Variants in LHFPL4 observed in about 807,000 individuals in gnomAD.
The protein encoded by LHFPL4 is LHFPL tetraspan subfamily member 4 protein.
In LHFPL4, 6 loss-of-function variants were observed where a neutral mutation model predicts 20.0. The ratio of observed to expected loss-of-function variants is 0.30; its 90% CI spans 0.16 to 0.59. The LOEUF (loss-of-function observed/expected upper bound fraction) is 0.59, where lower values mean the gene tolerates loss of function less well. LHFPL4 is among the 20% of genes least tolerant of loss of function. The pLI, the probability that LHFPL4 is intolerant of heterozygous loss-of-function variation, is 0.88. For synonymous variants in LHFPL4, 129 were observed against 143.8 expected, an observed-to-expected ratio of 0.90 and a Z score of 0.74; for missense variants, 215 against 331.2, an observed-to-expected ratio of 0.65 and a Z score of 2.72.
rs1464015204 is a variant in LHFPL4, at chr3:9,552,434, G to C, written c.246C>G (p.Thr82=). ...GRELTCRGSF[T]DFSTIPSSAF... is the part of the protein sequence containing the mutation. ...CGCTGGACGGGATGGTGCTGAAGTC[G>C]GTGAAGGAGCCCCGGCAGGTGAGCT... Residue 82 remains threonine (T), a synonymous_variant, in exon 2 of 4, where the codon ACC becomes ACG. Transcript: ENST00000287585. The C allele has an allele frequency of 5.0e-6, 8 of 1,613,456 alleles. No individual in the cohort carries two copies. The highest frequency in any genetic ancestry group is 6.8e-6 in the Non-Finnish European group (8 of 1,179,878).
chr3:9,510,436 CA>C (rs34617447), intron 2 of LHFPL4, among the ~76,000 whole-genome samples: 21,589 of 117,226 alleles, frequency 0.18, 2,568 homozygotes, highest in East Asian at 0.44. Flanking sequence ...GACATGGTTT[CA>C]AAAAAAAAAA....
chr3:9,523,077 G>GAAGAAAGAAATA (rs2046349970), intron 2 of LHFPL4, among the ~76,000 whole-genome samples: 1 of 114,034 alleles, frequency 8.8e-6, no homozygotes, highest in Admixed American at 1.0e-4. Context: ...GAAAGAAAAG[G>GAAGAAAGAAATA]AAGAAAGAAA....
intron 2 of LHFPL4, among the ~76,000 whole-genome samples, chr3:9,549,258 C>T (rs747930838): frequency 1.4e-4 from 21 of 152,270 alleles, no homozygotes; most frequent in Non-Finnish European, 2.5e-4. Context: ...GGGATGATGT[C>T]TTATGCATCT....
chr3:9,543,942 C>T (rs2046495330), intron 2 of LHFPL4, among the ~76,000 whole-genome samples: 1 of 151,914 alleles, frequency 6.6e-6, no homozygotes, highest in Admixed American at 6.6e-5. Flanking sequence ...AGGCTGGTCT[C>T]AAACTCCTGG....
chr3:9,521,208 T>C (rs1366291157), intron 2 of LHFPL4, among the ~76,000 whole-genome samples: 2 of 149,888 alleles, frequency 1.3e-5, no homozygotes, highest in Non-Finnish European at 2.9e-5. Flanking sequence ...GCCACTCTCA[T>C]TTCCTTTTCC....
At chr3:9,507,424 G>C (rs2046226346) in intron 2 of LHFPL4, among the ~76,000 whole-genome samples, 1 of 152,244 alleles carries the variant, frequency 6.6e-6, no homozygotes, top group African/African-American at 2.4e-5. Flanking sequence ...GTACAATGGG[G>C]ATAATGATGG....
Position 9,499,995 on chromosome 3 carries a change from C to G in LHFPL4, c.*2216G>C, listed in dbSNP as rs1297810492. The G allele has an allele frequency of 6.6e-6, 1 of 151,936 alleles. No individual in the cohort carries two copies. Among genetic ancestry groups the G allele is most frequent in the Non-Finnish European group, 1.5e-5 (1 of 68,374 alleles). The allele number at this position is 151,936 out of a possible 1,614,324, so 9.4% of individuals were successfully genotyped here. A position where few individuals can be genotyped will look rare whatever the true frequency, so the allele number is the denominator to read the frequency against. On this transcript the variant is annotated 3_prime_UTR_variant, in exon 4 of 4. Coordinates refer to ENST00000287585, the MANE Select transcript of LHFPL4 (RefSeq NM_198560.3). ...CCCCCACCCCAAGCTCTCGGGCAGC[C>G]TCTCAGCTGGTCTCTCATCTCTCTC...
chr3:9,523,385 AAAGAAAAAGAAAAAAAAAAAG>A (rs1216066457), intron 2 of LHFPL4, among the ~76,000 whole-genome samples: 3 of 71,534 alleles, frequency 4.2e-5, no homozygotes, highest in Admixed American at 3.9e-4. Context: ...CGTCTCAAAA[AAAGAAAAAGAAAAAAAAAAAG>A]AAAAAGAAAA....
rs755248125 is a variant in LHFPL4, at chr3:9,502,262, G to T, written c.693C>A (p.Val231=). 4 of 1,614,030 alleles carry T rather than the reference G, an allele frequency of 2.5e-6. No homozygotes were observed. In the South Asian group the frequency reaches 4.4e-5, roughly 18 times the overall value. ...VSSVLRPGGD[V]SGWGVLPCPV... ...GGCAGGGAAGGACTCCCCATCCAGAGACATCACCCCCGGGCCGCAACACGG... is the reference window on the plus strand; with the variant it reads ...GGCAGGGAAGGACTCCCCATCCAGATACATCACCCCCGGGCCGCAACACGG... The change falls in exon 4 of 4, where the codon GTC becomes GTA. Residue 231 remains valine, a synonymous_variant. Transcript: ENST00000287585.
chr3:9,546,240 G>C (rs527438085), intron 2 of LHFPL4, among the ~76,000 whole-genome samples: 1 of 151,184 alleles, frequency 6.6e-6, no homozygotes, highest in Non-Finnish European at 1.5e-5. Flanking sequence ...GCTTGAACCC[G>C]GGAGACAGAG....
At position 9,506,714 on chromosome 3, in the gene LHFPL4, G is replaced by C. The variant is rs188646209; in HGVS notation, c.407-511C>G. ...TCCTGCCTCAGCCTCCTGAGTAGCT[G>C]AGACTACAGGTGCCTCCCACCATGT... On this transcript the variant is annotated intron_variant, in intron 2 of 3. Coordinates refer to ENST00000287585, the MANE Select transcript of LHFPL4 (RefSeq NM_198560.3). The surrounding 1 kb of genome is among the most constrained non-coding windows in gnomAD (Gnocchi z 4.5). 2.2e-4 allele frequency among the ~76,000 whole-genome samples: 34 copies of C among 152,262 alleles called. No homozygotes were observed. The East Asian group carries it at 5.0e-3, about 23-fold the overall frequency.
chr3:9,539,167 C>T (rs1409269740), intron 2 of LHFPL4, among the ~76,000 whole-genome samples: 1 of 152,010 alleles, frequency 6.6e-6, no homozygotes, highest in Non-Finnish European at 1.5e-5. Flanking sequence ...CATTAAATTC[C>T]TCTGGGGCTG....
In LHFPL4 at chr3:9,498,877, C is replaced by G. The variant is rs1348629047; in HGVS notation, c.*3334G>C. The G allele has an allele frequency of 6.5e-6, 1 of 152,694 alleles. No individual in the cohort carries two copies. Among genetic ancestry groups the G allele is most frequent in the African/African-American group, 2.4e-5 (1 of 41,454 alleles). 9.5% of individuals were successfully genotyped at this position (152,694 alleles called of 1,614,324 possible). On this transcript the variant is annotated 3_prime_UTR_variant, in exon 4 of 4. Coordinates refer to ENST00000287585, the MANE Select transcript of LHFPL4 (RefSeq NM_198560.3). ...ATCTTGATTCTTTGGTCCTCACCCCCTCAGGAAAGTTTTCCTTCATGGGTA... is the reference window on the plus strand; with the variant it reads ...ATCTTGATTCTTTGGTCCTCACCCCGTCAGGAAAGTTTTCCTTCATGGGTA...
intron 2 of LHFPL4, among the ~76,000 whole-genome samples, chr3:9,527,849 C>G (rs1047876242): frequency 6.0e-5 from 9 of 150,148 alleles, no homozygotes; most frequent in Non-Finnish European, 1.2e-4. Context: ...CACACACACA[C>G]AGAGGCATAC....
At chr3:9,517,652 A>C (rs1574842176) in intron 2 of LHFPL4, among the ~76,000 whole-genome samples, 2 of 140,928 alleles carry the variant, frequency 1.4e-5, no homozygotes, top group Non-Finnish European at 1.5e-5. Flanking sequence ...GAGCCGTTAC[A>C]CTCCAGACAG....
rs143300937 is a variant in LHFPL4 at position 9,550,161 on chromosome 3, C to T, written c.406+2113G>A. Among the ~76,000 whole-genome samples the T allele has an allele frequency of 8.4e-3, 1,278 of 152,312 alleles. 26 individuals are homozygous for T. The highest frequency in any genetic ancestry group is 0.053 in the East Asian group (277 of 5,178). ...TCACAGACCCAAGTCAGCCAAGAACCCCCACCCCAAGACTCGTAGTCCAGT... is the reference window on the plus strand; with the variant it reads ...TCACAGACCCAAGTCAGCCAAGAACTCCCACCCCAAGACTCGTAGTCCAGT... On this transcript the variant is annotated intron_variant, in intron 2 of 3. Transcript: ENST00000287585.
rs200924805 is a variant in LHFPL4 at position 9,535,723 on chromosome 3, G to A, written c.406+16551C>T. On this transcript the variant is annotated intron_variant, in intron 2 of 3. Transcript: ENST00000287585. ...ACCTGGCTAGGTTTGAGACTGAGGG[G>A]AGTCCAGTGAATGATTTCTGTCCAC... Among the ~76,000 whole-genome samples the A allele has an allele frequency of 2.6e-5, 4 of 152,244 alleles. No homozygotes were observed. In the East Asian group the frequency reaches 5.8e-4, roughly 22 times the overall value.
At chr3:9,551,985 G>C (rs2125669372) in intron 2 of LHFPL4, among the ~76,000 whole-genome samples, 1 of 152,028 alleles carries the variant, frequency 6.6e-6, no homozygotes, top group Non-Finnish European at 1.5e-5. Context: ...ACAGCCAACA[G>C]AGACCCTTAG....
chr3:9,516,770 A>G (rs890450488), intron 2 of LHFPL4, among the ~76,000 whole-genome samples: 3 of 146,144 alleles, frequency 2.1e-5, no homozygotes, highest in Non-Finnish European at 3.0e-5. Context: ...CATTGCGCCC[A>G]GCCACACAAT....
Sources: gnomAD v4.1 joint callset for allele counts (sites outside exome capture counted in the v4.1 genomes callset) on GRCh38, gnomAD v4.1.1 for gene constraint, Gnocchi (gnomAD v3.1) non-coding constraint, MANE v1.5 for transcripts, NCBI Gene and HGNC (gene_info 2026-07-23, HGNC 2026-07-21) for gene names.